Variants in ZNF652 observed in about 807,000 individuals in gnomAD.
The protein encoded by ZNF652 is zinc finger protein 652.
Under a neutral mutation model 45.2 loss-of-function variants are expected in ZNF652, and 16 were observed. That is an observed-to-expected ratio of 0.35 (90% confidence interval 0.24 to 0.54). The LOEUF is 0.54. Ranked by LOEUF, ZNF652 falls within the 20% of genes least tolerant of loss-of-function variation. The pLI, the probability that ZNF652 is intolerant of heterozygous loss-of-function variation, is 0.91. For missense variants in ZNF652, 614 were observed against 765.6 expected (o/e 0.80, Z 2.34); for synonymous variants, 250 against 260.6 (o/e 0.96, Z 0.39).
intron 1 of ZNF652, among the ~76,000 whole-genome samples, chr17:49,344,152 G>C (rs1028215092): frequency 6.6e-6 from 1 of 151,852 alleles, no homozygotes; most frequent in African/African-American, 2.4e-5. Flanking sequence ...AGTGAGCCGA[G>C]ATCGTGCCAC....
chr17:49,321,244 T>A (rs1250056185), intron 1 of ZNF652, among the ~76,000 whole-genome samples: 1 of 151,896 alleles, frequency 6.6e-6, no homozygotes, highest in Non-Finnish European at 1.5e-5. Flanking sequence ...TGGATAGACA[T>A]ATGTATTTTC....
Position 49,335,244 on chromosome 17 carries a change from A to G in ZNF652, c.-258-17261T>C, listed in dbSNP as rs1463184195. On this transcript the variant is annotated intron_variant, in intron 1 of 5. Transcript: ENST00000430262. ...TATTTTGTATAAAATGATATTATTG[A>G]TTTACTGGATAGCTCATAAACTGCA... Among the ~76,000 whole-genome samples the G allele has an allele frequency of 2.0e-5, 3 of 152,188 alleles. No homozygotes were observed. In the East Asian group the frequency reaches 5.8e-4, roughly 29 times the overall value.
At chr17:49,355,245 A>C (rs760302731) in intron 1 of ZNF652, among the ~76,000 whole-genome samples, 3 of 152,010 alleles carry the variant, frequency 2.0e-5, no homozygotes, top group Non-Finnish European at 2.9e-5. Context: ...TTAATAATTA[A>C]TTCACGAGGG....
At chr17:49,318,179 G>C (rs2143804154) in intron 1 of ZNF652, among the ~76,000 whole-genome samples, 196 bp from the exon 2 acceptor site, 1 of 152,310 alleles carries the variant, frequency 6.6e-6, no homozygotes, top group African/African-American at 2.4e-5. Flanking sequence ...CTGGGTTCAA[G>C]TGATTCCCCT....
Position 49,301,360 on chromosome 17 carries a change from C to T in ZNF652, c.1310-2436G>A, listed in dbSNP as rs183340412. The stretch of plus-strand genomic sequence containing the variant: ...CCAGGCTGAAGTGTAATGAGTGGCA[C>T]GATCTCAGCTCACTGCAGCCTCTGC... On this transcript the variant is annotated intron_variant, in intron 5 of 5. Transcript: ENST00000430262. Among the ~76,000 whole-genome samples, 322 of 152,154 alleles carry T rather than the reference C, an allele frequency of 2.1e-3. 2 individuals carry two copies. Among genetic ancestry groups the T allele is most frequent in the African/African-American group, 7.4e-3 (307 of 41,492 alleles).
chr17:49,345,077 G>A (rs1428951630), intron 1 of ZNF652, among the ~76,000 whole-genome samples: 1 of 152,120 alleles, frequency 6.6e-6, no homozygotes, highest in South Asian at 2.1e-4. Context: ...GGCCCTAAGA[G>A]TAAGAATTAG....
At chr17:49,306,044 G>A (rs1459085846) in intron 5 of ZNF652, among the ~76,000 whole-genome samples, 1 of 152,022 alleles carries the variant, frequency 6.6e-6, no homozygotes, top group Non-Finnish European at 1.5e-5. Flanking sequence ...CACCCTTTAG[G>A]TATTACTGTC....
In ZNF652 at chr17:49,298,660, G is replaced by A. The variant is rs1478537344; in HGVS notation, c.1574C>T (p.Thr525Ile). 1 of 1,613,698 alleles carries A rather than the reference G, an allele frequency of 6.2e-7. No individual in the cohort carries two copies. Among genetic ancestry groups the A allele is most frequent in the Admixed American group, 1.7e-5 (1 of 59,952 alleles). The change falls in exon 6 of 6, where the codon ACC becomes ATC. Residue 525 changes from threonine to isoleucine, a missense_variant. Around this residue, in one of 5 missense-constraint regions of ZNF652, gnomAD observed 132 missense variants for 137.2 expected, o/e 0.96. Transcript: ENST00000430262. ...ATTCATATTGATTGGAGGGGTTGGG[G>A]TTGTGGCTGTGTTCACCACAGAAGG... ...PVPSVVNTAT[T>I]PTPPINMNPV...
intron 1 of ZNF652, among the ~76,000 whole-genome samples, chr17:49,349,835 C>A (rs548633596): frequency 6.6e-6 from 1 of 152,130 alleles, no homozygotes; most frequent in Non-Finnish European, 1.5e-5. Context: ...TGGCCTTGGG[C>A]AGAACTATCT....
chr17:49,334,481 C>T (rs1185849084), intron 1 of ZNF652, among the ~76,000 whole-genome samples: 1 of 151,734 alleles, frequency 6.6e-6, no homozygotes, highest in Non-Finnish European at 1.5e-5. Flanking sequence ...GAGACCCTGT[C>T]TCAAAAAGAA....
chr17:49,319,251 T>C (rs1467998397), intron 1 of ZNF652, among the ~76,000 whole-genome samples: 2 of 152,176 alleles, frequency 1.3e-5, no homozygotes, highest in Admixed American at 1.3e-4. Context: ...AAATGCCTGC[T>C]ATGGACATAG....
chr17:49,298,443 T>C lies in ZNF652; in HGVS notation c.1791A>G (p.Ala597=), dbSNP rs2069503997. Residue 597 remains alanine (A), a synonymous_variant, in exon 6 of 6, where the codon GCA becomes GCG. Transcript: ENST00000430262. The part of the protein sequence containing the change: ...QSEDNFLRHL[A]EKNSSAQHH ...GATGCTGTGCTGAACTGTTCTTCTCTGCCAGGTGCCGCAGAAAGTTGTCCT... is the reference window on the plus strand; with the variant it reads ...GATGCTGTGCTGAACTGTTCTTCTCCGCCAGGTGCCGCAGAAAGTTGTCCT... 3.1e-6 allele frequency: 5 copies of C among 1,612,916 alleles called. No individual in the cohort carries two copies. In the Admixed American group the frequency reaches 6.7e-5, roughly 21 times the overall value.
intron 1 of ZNF652, among the ~76,000 whole-genome samples, chr17:49,340,437 T>C (rs572439860): frequency 6.7e-6 from 1 of 149,620 alleles, no homozygotes; most frequent in Non-Finnish European, 1.5e-5. Context: ...ATGCCTGTAA[T>C]CCCAGCTACT....
At chr17:49,328,651 T>A (rs1192149453) in intron 1 of ZNF652, among the ~76,000 whole-genome samples, 1 of 152,066 alleles carries the variant, frequency 6.6e-6, no homozygotes, top group East Asian at 1.9e-4. Flanking sequence ...TACACCTGCT[T>A]CCCCCTTTGC....
Position 49,336,905 on chromosome 17 carries a change from C to T in ZNF652, c.-258-18922G>A, listed in dbSNP as rs146934011. ...AAAATGCTGGGATTATAGGCATGAG[C>T]GACCACACCCGGCCCCGGCCTACTT... is the stretch of plus-strand genomic sequence containing the variant. On this transcript the variant is annotated intron_variant, in intron 1 of 5. Coordinates refer to ENST00000430262, the MANE Select transcript of ZNF652 (RefSeq NM_001145365.3). Among the ~76,000 whole-genome samples, 241 of 149,044 alleles carry T rather than the reference C, an allele frequency of 1.6e-3. 1 individual carries two copies. The highest frequency in any genetic ancestry group is 5.6e-3 in the African/African-American group (225 of 40,488).
At chr17:49,316,780 C>T in intron 2 of ZNF652, 46 bp downstream of exon 2, 1 of 1,552,888 alleles carries the variant, frequency 6.4e-7, no homozygotes, top group Non-Finnish European at 8.7e-7. Flanking sequence ...ATCTGAACAG[C>T]CAGGTTCTAT....
At chr17:49,348,333 A>C (rs182460071) in intron 1 of ZNF652, among the ~76,000 whole-genome samples, 82 of 151,834 alleles carry the variant, frequency 5.4e-4, no homozygotes, top group Admixed American at 5.2e-3. Flanking sequence ...CTCTACAAAA[A>C]AAATTTAGCT....
intron 1 of ZNF652, among the ~76,000 whole-genome samples, chr17:49,350,269 T>G (rs1598316332): frequency 6.6e-6 from 1 of 151,436 alleles, no homozygotes; most frequent in Non-Finnish European, 1.5e-5. Context: ...GCTGGGCAGG[T>G]GGCTCATGCC....
intron 1 of ZNF652, among the ~76,000 whole-genome samples, chr17:49,344,518 ATTTTT>A (rs35027750): frequency 9.1e-6 from 1 of 110,110 alleles, no homozygotes; most frequent in South Asian, 2.8e-4. Context: ...TCAAAGCAAA[ATTTTT>A]TTTTTTTTTT....
Sources: allele counts gnomAD v4.1 joint callset (sites outside exome capture counted in the v4.1 genomes callset), GRCh38; gene constraint gnomAD v4.1.1; regional missense constraint gnomAD v4.1.1; transcripts MANE v1.5; gene names NCBI Gene and HGNC (gene_info 2026-07-23, HGNC 2026-07-21).